BAG4: variants seen among roughly 807,000 people sequenced by gnomAD.
The protein encoded by BAG4 is BAG cochaperone 4.
A neutral mutation model predicts 52.1 loss-of-function variants in BAG4; 28 were observed. The observed-to-expected ratio is 0.54, with a 90% CI of 0.40 to 0.74. The LOEUF is 0.74. BAG4 is among the 30% of genes least tolerant of loss of function. The pLI, the probability that BAG4 is intolerant of heterozygous loss-of-function variation, is 0.00. For synonymous variants in BAG4, 208 were observed against 217.0 expected (o/e 0.96, Z 0.37); for missense variants, 525 against 572.0 (o/e 0.92, Z 0.84).
chr8:38,191,692 G>A (rs1488535957), intron 1 of BAG4, among the ~76,000 whole-genome samples: 2 of 150,996 alleles, frequency 1.3e-5, no homozygotes, highest in Non-Finnish European at 2.9e-5. Flanking sequence ...CTTGGGAAGC[G>A]GAGGTTGCAG....
intron 2 of BAG4, 67 bp downstream of exon 2, chr8:38,192,862 G>A: frequency 8.0e-7 from 1 of 1,245,852 alleles, no homozygotes; most frequent in Non-Finnish European, 1.1e-6. Context: ...CAAAACCTGT[G>A]CAGATTTTAG....
chr8:38,180,001 G>C (rs1015290427), intron 1 of BAG4, among the ~76,000 whole-genome samples: 6 of 152,138 alleles, frequency 3.9e-5, no homozygotes, highest in African/African-American at 1.4e-4. Flanking sequence ...ATAGACTAAA[G>C]AAGTTAAGAT....
chr8:38,188,657 ATACATG>A (rs1291389563), intron 1 of BAG4, among the ~76,000 whole-genome samples: 19 of 814 alleles, frequency 0.023, no homozygotes, highest in African/African-American at 0.038. Context: ...GTATACATAT[ATACATG>A]TATACATATA....
chr8:38,206,441 T>C (rs1803770707), intron 2 of BAG4, among the ~76,000 whole-genome samples: 1 of 151,988 alleles, frequency 6.6e-6, no homozygotes, highest in Non-Finnish European at 1.5e-5. Flanking sequence ...CAGTGAGCAA[T>C]ATATGAGGAG....
intron 2 of BAG4, among the ~76,000 whole-genome samples, chr8:38,194,867 T>TTTTTTTTTTTTTTTTTTTTTTG: frequency 7.0e-6 from 1 of 142,586 alleles, no homozygotes; most frequent in Non-Finnish European, 1.5e-5. Flanking sequence ...TTTTTTGTTT[T>TTTTTTTTTTTTTTTTTTTTTTG]TTTTTTTGGC....
chr8:38,208,059 C>T (rs1219141679), intron 3 of BAG4, among the ~76,000 whole-genome samples: 8 of 151,182 alleles, frequency 5.3e-5, no homozygotes, highest in East Asian at 1.9e-4. Flanking sequence ...TCACTGCAAC[C>T]TCTACCTCCT....
At chr8:38,201,531 G>A (rs1336273917) in intron 2 of BAG4, among the ~76,000 whole-genome samples, 1 of 151,846 alleles carries the variant, frequency 6.6e-6, no homozygotes, top group Non-Finnish European at 1.5e-5. Flanking sequence ...TTGAACTCCT[G>A]GGCTCAGGTG....
chr8:38,189,944 C>T (rs1803445321), intron 1 of BAG4, among the ~76,000 whole-genome samples: 1 of 152,078 alleles, frequency 6.6e-6, no homozygotes, highest in African/African-American at 2.4e-5. Context: ...CGCCACCACA[C>T]CTGGCTAATT....
intron 1 of BAG4, among the ~76,000 whole-genome samples, chr8:38,188,476 C>T (rs939804903): frequency 6.6e-6 from 1 of 151,818 alleles, no homozygotes; most frequent in African/African-American, 2.4e-5. Context: ...TTGATCATTA[C>T]ACTTTATATA....
At position 38,210,411 on chromosome 8, in the gene BAG4, A is replaced by C; in HGVS notation, c.1292A>C (p.Gln431Pro). ...LELDSVETGG[Q>P]DSVRQARKEA... is the part of the protein sequence containing the mutation. ...CTGGATTCAGTTGAAACTGGGGGCCAGGACTCTGTACGGCAGGCCAGAAAA... is the reference window on the plus strand; with the variant it reads ...CTGGATTCAGTTGAAACTGGGGGCCCGGACTCTGTACGGCAGGCCAGAAAA... The change falls in exon 5 of 5, where the codon CAG becomes CCG. Residue 431 changes from glutamine (Q) to proline (P), a missense_variant. This residue lies in a region of BAG4 where 238 missense variants were observed against 305.8 expected (regional missense o/e 0.78). Transcript: ENST00000287322. 6.2e-7 allele frequency: 1 copy of C among 1,614,144 alleles called. No individual in the cohort carries two copies. Among genetic ancestry groups the C allele is most frequent in the South Asian group, 1.1e-5 (1 of 91,076 alleles).
chr8:38,188,026 G>A, intron 1 of BAG4, among the ~76,000 whole-genome samples: 1 of 110,268 alleles, frequency 9.1e-6, no homozygotes, highest in South Asian at 3.0e-4. Flanking sequence ...GATAGAGTGA[G>A]ACTCCGTCTC....
rs967317506 is a variant in BAG4 at position 38,176,861 on chromosome 8, G to A, written c.-9G>A. Reference sequence around the variant, plus strand: ...GCGGGGCGGGAAGCGCTTCAGGGCAGCGGATCCCATGTCGGCCCTGAGGCG... The same window carrying A: ...GCGGGGCGGGAAGCGCTTCAGGGCAACGGATCCCATGTCGGCCCTGAGGCG... On this transcript the variant is annotated 5_prime_UTR_variant, in exon 1 of 5. Transcript: ENST00000287322. 1 of 1,498,032 alleles carries A rather than the reference G, an allele frequency of 6.7e-7. No individual in the cohort carries two copies. Among genetic ancestry groups the A allele is most frequent in the Non-Finnish European group, 8.9e-7 (1 of 1,121,972 alleles). 92.8% of individuals were successfully genotyped at this position (1,498,032 alleles called of 1,614,324 possible).
chr8:38,192,104 A>G (rs16887258), intron 1 of BAG4, among the ~76,000 whole-genome samples: 36,406 of 152,128 alleles, frequency 0.24, 4,534 homozygotes, highest in East Asian at 0.31. Context: ...TGGAGATTGA[A>G]GATGTATGTG....
intron 2 of BAG4, among the ~76,000 whole-genome samples, chr8:38,193,528 T>C (rs1012937144): frequency 3.9e-5 from 6 of 152,158 alleles, no homozygotes; most frequent in African/African-American, 4.8e-5. Flanking sequence ...CCAAATACAA[T>C]TGAAGCCCAA....
intron 1 of BAG4, 64 bp downstream of exon 1, chr8:38,177,203 G>A (rs1803174420): frequency 6.3e-7 from 1 of 1,586,046 alleles, no homozygotes; most frequent in South Asian, 1.1e-5. Context: ...GTTCGTAAAG[G>A]ATCGGGTTTC....
At chr8:38,192,820 C>A in intron 2 of BAG4, 25 bp downstream of exon 2, 1 of 1,520,272 alleles carries the variant, frequency 6.6e-7, no homozygotes, top group South Asian at 1.2e-5. Context: ...CAGAGACTTT[C>A]TGAACTTTTT....
At chr8:38,189,576 ACT>A (rs1360458973) in intron 1 of BAG4, among the ~76,000 whole-genome samples, 2 of 152,002 alleles carry the variant, frequency 1.3e-5, no homozygotes, top group Non-Finnish European at 2.9e-5. Context: ...CTGTGAGTCC[ACT>A]CTAGTGGTTC....
chr8:38,204,648 CG>C (rs1803738110), intron 2 of BAG4, among the ~76,000 whole-genome samples: 1 of 142,618 alleles, frequency 7.0e-6, no homozygotes. Context: ...ACAACAACAA[CG>C]AAAAAAAAAA....
At position 38,211,178 on chromosome 8, in the gene BAG4, T is replaced by C. The variant is rs1312342525; in HGVS notation, c.*685T>C. ...TAAATTGTCTCCCTTTTTCTATAGA[T>C]CATTAGGTTAGAGTTTTTTTCTTCT... On this transcript the variant is annotated 3_prime_UTR_variant, in exon 5 of 5. Transcript: ENST00000287322. 4.7e-5 allele frequency: 7 copies of C among 150,266 alleles called. No homozygotes were observed. The highest frequency in any genetic ancestry group is 2.0e-4 in the East Asian group (1 of 5,106). The allele number at this position is 150,266 out of a possible 1,614,324, so 9.3% of individuals were successfully genotyped here.
Sources: allele counts gnomAD v4.1 joint callset (sites outside exome capture counted in the v4.1 genomes callset), GRCh38; gene constraint gnomAD v4.1.1; regional missense constraint gnomAD v4.1.1; transcripts MANE v1.5; gene names NCBI Gene and HGNC (gene_info 2026-07-23, HGNC 2026-07-21).